NUBPL: variants seen among roughly 807,000 people sequenced by gnomAD.
NUBPL encodes NUBP iron-sulfur cluster assembly factor, mitochondrial.
In NUBPL, 31 loss-of-function variants were observed where a neutral mutation model predicts 45.7. The ratio of observed to expected loss-of-function variants is 0.68; its 90% CI spans 0.51 to 0.92. The LOEUF is 0.92. Among genes scored for constraint, NUBPL ranks in the 40% least tolerant of loss-of-function variants. NUBPL has a pLI of 0.00. For synonymous variants in NUBPL, 144 were observed against 140.9 expected (o/e 1.02, Z -0.15); for missense variants, 401 against 398.7 (o/e 1.01, Z -0.05).
At chr14:31,583,219 A>T (rs922560025) in intron 3 of NUBPL, among the ~76,000 whole-genome samples, 1 of 152,170 alleles carries the variant, frequency 6.6e-6, no homozygotes, top group African/African-American at 2.4e-5. Context: ...CAGAGAGGGT[A>T]TTGCTGAGGC....
intron 7 of NUBPL, among the ~76,000 whole-genome samples, chr14:31,815,472 C>T (rs2039896969): frequency 6.6e-6 from 1 of 152,168 alleles, no homozygotes; most frequent in Admixed American, 6.5e-5. Context: ...ATAATCATGT[C>T]ATCTGCAAAC....
intron 4 of NUBPL, among the ~76,000 whole-genome samples, chr14:31,636,302 C>T (rs1213314255): frequency 1.5e-3 from 220 of 151,514 alleles, no homozygotes; most frequent in Middle Eastern, 0.014. Context: ...TAGCATGAAG[C>T]GTTGTTGAAT....
chr14:31,858,571 T>C (rs990714570), intron 10 of NUBPL, among the ~76,000 whole-genome samples: 7 of 151,924 alleles, frequency 4.6e-5, no homozygotes, highest in African/African-American at 1.7e-4. Context: ...ACATAAAGAG[T>C]GTAACAATGG....
intron 2 of NUBPL, among the ~76,000 whole-genome samples, chr14:31,564,623 C>A (rs2033387820): frequency 1.3e-5 from 2 of 150,962 alleles, no homozygotes; most frequent in African/African-American, 4.9e-5. Flanking sequence ...AGATTGTGTA[C>A]ATTTTTTAAA....
intron 4 of NUBPL, among the ~76,000 whole-genome samples, chr14:31,643,979 A>G (rs2035776313): frequency 6.6e-6 from 1 of 151,676 alleles, no homozygotes; most frequent in South Asian, 2.1e-4. Flanking sequence ...CTGTGGTTTG[A>G]GTTGTTATAT....
intron 6 of NUBPL, among the ~76,000 whole-genome samples, chr14:31,772,271 G>A (rs1331404420): frequency 6.6e-6 from 1 of 152,092 alleles, no homozygotes; most frequent in African/African-American, 2.4e-5. Context: ...AGCCTTTGAG[G>A]TAGAGAAGAT....
intron 7 of NUBPL, among the ~76,000 whole-genome samples, chr14:31,813,438 TACAC>T (rs34598831): frequency 0.87 from 129,210 of 148,224 alleles, 56,247 homozygotes; most frequent in South Asian, 0.91. Flanking sequence ...TTTTTTGCTA[TACAC>T]ACACACACAC....
chr14:31,607,191 G>T (rs575415385), intron 4 of NUBPL, among the ~76,000 whole-genome samples: 6 of 152,030 alleles, frequency 3.9e-5, no homozygotes, highest in African/African-American at 9.7e-5. Context: ...GACCAGCCTG[G>T]GCAACATGGT....
At chr14:31,742,689 C>T (rs943215448) in intron 6 of NUBPL, among the ~76,000 whole-genome samples, 15 of 152,110 alleles carry the variant, frequency 9.9e-5, no homozygotes, top group African/African-American at 3.6e-4. Context: ...CTGCAACCTC[C>T]ACTTCCTGGG....
intron 6 of NUBPL, among the ~76,000 whole-genome samples, chr14:31,724,701 A>G (rs985301912): frequency 2.6e-5 from 4 of 152,224 alleles, no homozygotes; most frequent in Admixed American, 6.5e-5. Flanking sequence ...GTTAGTTACT[A>G]TGCTAGGGCT....
chr14:31,709,241 G>A (rs989542404), intron 6 of NUBPL, among the ~76,000 whole-genome samples: 53 of 152,298 alleles, frequency 3.5e-4, no homozygotes, highest in African/African-American at 1.3e-3. Flanking sequence ...GGTTGACAGG[G>A]GAGTATATTT....
intron 4 of NUBPL, among the ~76,000 whole-genome samples, chr14:31,632,470 G>C (rs1356090177): frequency 6.6e-6 from 1 of 152,228 alleles, no homozygotes; most frequent in Non-Finnish European, 1.5e-5. Flanking sequence ...AGCGGGCAGA[G>C]TGAACTGGAG....
At chr14:31,642,025 GGTT>G (rs1325499503) in intron 4 of NUBPL, among the ~76,000 whole-genome samples, 4 of 151,954 alleles carry the variant, frequency 2.6e-5, no homozygotes, top group African/African-American at 9.7e-5. Flanking sequence ...TTAAAAATCA[GGTT>G]ATTATTATTT....
intron 6 of NUBPL, among the ~76,000 whole-genome samples, chr14:31,736,983 G>A (rs1158149231): frequency 1.3e-5 from 2 of 152,078 alleles, no homozygotes; most frequent in Non-Finnish European, 2.9e-5. Context: ...TGAAATGGTG[G>A]TTCATGTTTT....
At chr14:31,718,189 C>G (rs2037731176) in intron 6 of NUBPL, among the ~76,000 whole-genome samples, 1 of 152,120 alleles carries the variant, frequency 6.6e-6, no homozygotes, top group African/African-American at 2.4e-5. Context: ...AGATCCAGCC[C>G]TAGTCCCAGA....
At chr14:31,798,671 A>AGTCCTGGCTACTCGGGAG (rs2039517934) in intron 7 of NUBPL, among the ~76,000 whole-genome samples, 1 of 150,458 alleles carries the variant, frequency 6.6e-6, no homozygotes, top group South Asian at 2.1e-4. Flanking sequence ...GGGCGCCTGT[A>AGTCCTGGCTACTCGGGAG]GTCCTGGCTA....
intron 6 of NUBPL, among the ~76,000 whole-genome samples, chr14:31,751,275 A>T (rs1187262234): frequency 3.3e-5 from 5 of 152,256 alleles, no homozygotes; most frequent in African/African-American, 9.6e-5. Context: ...TTATTCCAGC[A>T]TTAACTTAAA....
intron 7 of NUBPL, among the ~76,000 whole-genome samples, chr14:31,824,005 A>G (rs1257435483): frequency 1.3e-5 from 2 of 152,092 alleles, no homozygotes; most frequent in Non-Finnish European, 2.9e-5. Context: ...ACAATTTGAA[A>G]AGTAGGATGA....
chr14:31,805,734 A>G (rs2039672362), intron 7 of NUBPL, among the ~76,000 whole-genome samples: 1 of 152,088 alleles, frequency 6.6e-6, no homozygotes, highest in Non-Finnish European at 1.5e-5. Context: ...GAGGGGAACA[A>G]CACACTGGGG....
Sources: allele counts gnomAD v4.1 joint callset (sites outside exome capture counted in the v4.1 genomes callset), GRCh38; gene constraint gnomAD v4.1.1; transcripts MANE v1.5; gene names NCBI Gene and HGNC (gene_info 2026-07-23, HGNC 2026-07-21).